The following SULF1 variants were observed in gnomAD, a reference collection of about 807,000 sequenced individuals.
SULF1 encodes the protein sulfatase 1.
SULF1 carries 46 observed loss-of-function variants against 110.5 expected under a neutral mutation model. That is an observed-to-expected ratio of 0.42 (90% CI 0.33 to 0.53). SULF1 has a LOEUF of 0.53. Ranked by LOEUF, SULF1 falls within the 20% of genes least tolerant of loss-of-function variation. SULF1 has a pLI of 0.12. For missense variants in SULF1, 941 were observed against 1,094.2 expected, an observed-to-expected ratio of 0.86 and a Z score of 1.98; for synonymous variants, 371 against 387.1, an observed-to-expected ratio of 0.96 and a Z score of 0.49.
intron 6 of SULF1, among the ~76,000 whole-genome samples, chr8:69,586,056 C>T (rs1806435654): frequency 6.6e-6 from 1 of 152,164 alleles, no homozygotes; most frequent in South Asian, 2.1e-4. Flanking sequence ...AGAGCATAGC[C>T]TGATTTTACT....
intron 3 of SULF1, among the ~76,000 whole-genome samples, chr8:69,553,445 G>T (rs529050662): frequency 6.2e-4 from 94 of 152,218 alleles, no homozygotes; most frequent in Non-Finnish European, 1.2e-3. Context: ...CACCAGGACT[G>T]GAGGCCTCAG....
At chr8:69,603,715 C>A in intron 12 of SULF1, 59 bp downstream of exon 12, 1 of 1,165,238 alleles carries the variant, frequency 8.6e-7, no homozygotes, top group Non-Finnish European at 1.3e-6. Flanking sequence ...GCTTTCCCTG[C>A]TGAGTATTTT....
At chr8:69,652,781 A>G (rs576213882) in intron 22 of SULF1, among the ~76,000 whole-genome samples, 2 of 152,336 alleles carry the variant, frequency 1.3e-5, no homozygotes, top group East Asian at 1.9e-4. Flanking sequence ...ACTGAGCTGT[A>G]ACCAATCTGG....
chr8:69,632,645 T>C (rs1260220582), intron 19 of SULF1, among the ~76,000 whole-genome samples: 3 of 152,194 alleles, frequency 2.0e-5, no homozygotes, highest in African/African-American at 7.2e-5. Context: ...TTTTTTATTA[T>C]GTACCCATAT....
At chr8:69,480,776 G>A (rs930659184) in intron 1 of SULF1, among the ~76,000 whole-genome samples, 26 of 151,208 alleles carry the variant, frequency 1.7e-4, no homozygotes, top group Non-Finnish European at 3.5e-4. Context: ...GTATGATTCT[G>A]ACTTTTTAAA....
intron 8 of SULF1, among the ~76,000 whole-genome samples, chr8:69,595,413 T>C (rs142206725): frequency 1.4e-3 from 206 of 152,376 alleles, no homozygotes; most frequent in African/African-American, 4.6e-3. Flanking sequence ...ATTTTTCTTA[T>C]ATACCTCTAA....
intron 2 of SULF1, among the ~76,000 whole-genome samples, chr8:69,497,138 A>G (rs1240028854): frequency 3.3e-5 from 5 of 149,886 alleles, no homozygotes; most frequent in Admixed American, 2.0e-4. Context: ...GGAAGCTAAA[A>G]CAGAATGTTC....
chr8:69,503,623 A>G (rs1810963969), intron 3 of SULF1, among the ~76,000 whole-genome samples: 1 of 152,154 alleles, frequency 6.6e-6, no homozygotes, highest in African/African-American at 2.4e-5. Context: ...TGTTGGAAAA[A>G]ACAAGGTTGG....
chr8:69,568,837 A>G (rs553847062), intron 5 of SULF1, among the ~76,000 whole-genome samples: 2 of 152,382 alleles, frequency 1.3e-5, no homozygotes, highest in African/African-American at 2.4e-5. Context: ...GACCGAGAGC[A>G]TCAGTACATT....
At chr8:69,502,422 G>C (rs1210030144) in intron 3 of SULF1, among the ~76,000 whole-genome samples, 1 of 152,132 alleles carries the variant, frequency 6.6e-6, no homozygotes, top group Non-Finnish European at 1.5e-5. Flanking sequence ...ATAAACATTA[G>C]TGCCAAGAGC....
intron 19 of SULF1, among the ~76,000 whole-genome samples, chr8:69,631,817 C>T (rs1001747282): frequency 4.6e-5 from 7 of 152,208 alleles, no homozygotes; most frequent in South Asian, 4.1e-4. Flanking sequence ...TGTCACTGCT[C>T]GTGGACACCC....
intron 1 of SULF1, among the ~76,000 whole-genome samples, chr8:69,485,601 T>C (rs1175021494): frequency 1.3e-5 from 2 of 152,214 alleles, no homozygotes; most frequent in Non-Finnish European, 2.9e-5. Context: ...TTTTCCTGTC[T>C]AAGTCTCAGC....
At chr8:69,519,332 A>T (rs565787745) in intron 3 of SULF1, among the ~76,000 whole-genome samples, 1 of 152,354 alleles carries the variant, frequency 6.6e-6, no homozygotes, top group South Asian at 2.1e-4. Flanking sequence ...ATTATTGAAT[A>T]AAAGAATAAT....
intron 3 of SULF1, among the ~76,000 whole-genome samples, chr8:69,555,874 A>T (rs1815080515): frequency 1.3e-5 from 2 of 152,196 alleles, no homozygotes; most frequent in South Asian, 4.1e-4. Flanking sequence ...TCTTTTTAAA[A>T]ATATTTACTT....
In SULF1 at chr8:69,582,634, A is replaced by G. The variant is rs1019019010; in HGVS notation, c.413-3723A>G. On this transcript the variant is annotated intron_variant, in intron 6 of 22. Coordinates refer to ENST00000402687, the MANE Select transcript of SULF1 (RefSeq NM_001128205.2). Reference sequence around the variant, plus strand: ...GTAGCAGAGCCAGAATTTGAACCCAAGCAGGCTGGCTCTAGGGTTTATATT... The same window carrying G: ...GTAGCAGAGCCAGAATTTGAACCCAGGCAGGCTGGCTCTAGGGTTTATATT... Among the ~76,000 whole-genome samples, 6 of 151,732 alleles carry G rather than the reference A, an allele frequency of 4.0e-5. No homozygotes were observed. In the East Asian group the frequency reaches 1.2e-3, roughly 29 times the overall value.
chr8:69,566,396 T>A (rs1327727767), intron 5 of SULF1, among the ~76,000 whole-genome samples: 1 of 152,204 alleles, frequency 6.6e-6, no homozygotes, highest in African/African-American at 2.4e-5. Context: ...CATTTATTCA[T>A]CCAGTAAATA....
chr8:69,597,918 G>C (rs912738755), intron 8 of SULF1, among the ~76,000 whole-genome samples: 1 of 152,040 alleles, frequency 6.6e-6, no homozygotes, highest in Non-Finnish European at 1.5e-5. Flanking sequence ...CTCTGACCTC[G>C]GACTACCCTC....
chr8:69,585,680 T>C (rs1218235611), intron 6 of SULF1, among the ~76,000 whole-genome samples: 1 of 152,234 alleles, frequency 6.6e-6, no homozygotes, highest in Non-Finnish European at 1.5e-5. Flanking sequence ...ACTATAATTG[T>C]ATGAAAATTA....
rs572965970 is a variant in SULF1 at position 69,636,282 on chromosome 8, ATC to A, written c.2285-2219_2285-2218del. On this transcript the variant is annotated intron_variant, in intron 19 of 22. Coordinates refer to ENST00000402687, the MANE Select transcript of SULF1 (RefSeq NM_001128205.2). ...CCGGGCGCGGTGGCTCACACCTGTA[ATC>A]CCAACACTTTGGGAGGCCGAGATGG... Among the ~76,000 whole-genome samples the A allele has an allele frequency of 2.6e-4, 40 of 152,316 alleles. No individual in the cohort carries two copies. The East Asian group carries it at 7.7e-3, about 29-fold the overall frequency.
Sources: gnomAD v4.1 joint callset for allele counts (sites outside exome capture counted in the v4.1 genomes callset) on GRCh38, gnomAD v4.1.1 for gene constraint, MANE v1.5 for transcripts, NCBI Gene and HGNC (gene_info 2026-07-23, HGNC 2026-07-21) for gene names.